CDC42SE2: variants seen among roughly 807,000 people sequenced by gnomAD.
CDC42SE2 encodes CDC42 small effector protein 2.
A neutral mutation model predicts 11.5 loss-of-function variants in CDC42SE2; 3 were observed. That is an observed-to-expected ratio of 0.26 (90% CI 0.12 to 0.67). CDC42SE2 has a LOEUF of 0.67. Ranked by LOEUF, CDC42SE2 falls within the 30% of genes least tolerant of loss-of-function variation. The pLI is 0.80. For synonymous variants in CDC42SE2, 33 were observed against 34.8 expected (o/e 0.95, Z 0.18); for missense variants, 82 against 106.8 (o/e 0.77, Z 1.02).
intron 2 of CDC42SE2, among the ~76,000 whole-genome samples, chr5:131,322,415 A>G (rs568886265): frequency 7.9e-5 from 12 of 152,310 alleles, no homozygotes; most frequent in African/African-American, 2.9e-4. Flanking sequence ...GGAATCATAC[A>G]GTATTTATGT....
chr5:131,249,489 T>C (rs1471131857), intron 1 of CDC42SE2, among the ~76,000 whole-genome samples: 2 of 152,176 alleles, frequency 1.3e-5, no homozygotes, highest in Non-Finnish European at 2.9e-5. Flanking sequence ...ATGTTTGATA[T>C]ATGATAAAGA....
chr5:131,378,680 TATTTA>T (rs1252422215), intron 3 of CDC42SE2, among the ~76,000 whole-genome samples: 1 of 152,254 alleles, frequency 6.6e-6, no homozygotes, highest in Non-Finnish European at 1.5e-5. Flanking sequence ...AAAATATTTT[TATTTA>T]ATTCTTAAAT....
At chr5:131,291,442 C>T (rs552270314) in intron 1 of CDC42SE2, among the ~76,000 whole-genome samples, 1 of 152,060 alleles carries the variant, frequency 6.6e-6, no homozygotes, top group African/African-American at 2.4e-5. Flanking sequence ...TTGAAAACTA[C>T]GTTTTTGAAG....
At chr5:131,268,857 T>C (rs1580721635) in intron 1 of CDC42SE2, among the ~76,000 whole-genome samples, 2 of 145,774 alleles carry the variant, frequency 1.4e-5, no homozygotes, top group African/African-American at 5.1e-5. Context: ...TTCAAGCAAC[T>C]GTCCTCCCTC....
At chr5:131,297,442 G>A (rs1005135500) in intron 1 of CDC42SE2, among the ~76,000 whole-genome samples, 2 of 152,024 alleles carry the variant, frequency 1.3e-5, no homozygotes, top group Non-Finnish European at 1.5e-5. Flanking sequence ...CATCCTGGCC[G>A]GGTGCGGTGG....
At chr5:131,239,612 C>A in the CDC42SE2 span, among the ~76,000 whole-genome samples, 1 of 152,080 alleles carries the variant, frequency 6.6e-6, no homozygotes, top group Non-Finnish European at 1.5e-5. Context: ...GTGTAAAATT[C>A]ATGGACCACT....
At chr5:131,267,292 C>G (rs560357475) in intron 1 of CDC42SE2, among the ~76,000 whole-genome samples, 15 of 151,854 alleles carry the variant, frequency 9.9e-5, no homozygotes, top group African/African-American at 3.1e-4. Flanking sequence ...CTCTTGACCT[C>G]GTGATCTGCC....
intron 2 of CDC42SE2, among the ~76,000 whole-genome samples, chr5:131,325,813 A>G (rs776814374): frequency 6.6e-6 from 1 of 152,120 alleles, no homozygotes; most frequent in Non-Finnish European, 1.5e-5. Context: ...TCCTCTTCCT[A>G]ATATGATAAT....
intron 2 of CDC42SE2, among the ~76,000 whole-genome samples, chr5:131,346,064 A>G (rs1346864769): frequency 6.6e-6 from 1 of 152,242 alleles, no homozygotes; most frequent in Non-Finnish European, 1.5e-5. Flanking sequence ...AATTATAAAG[A>G]CTATCAATGC....
intron 2 of CDC42SE2, among the ~76,000 whole-genome samples, chr5:131,319,164 C>T (rs1228093128): frequency 6.6e-6 from 1 of 152,130 alleles, no homozygotes; most frequent in African/African-American, 2.4e-5. Context: ...TTTAGCCTCC[C>T]AAAGTGCTGG....
At chr5:131,290,136 T>C (rs1398536757) in intron 1 of CDC42SE2, among the ~76,000 whole-genome samples, 2 of 152,174 alleles carry the variant, frequency 1.3e-5, no homozygotes, top group African/African-American at 2.4e-5. Context: ...TGTGAGCTAC[T>C]GTGTCTGGCC....
chr5:131,325,292 A>G (rs908578127), intron 2 of CDC42SE2, among the ~76,000 whole-genome samples: 1 of 152,190 alleles, frequency 6.6e-6, no homozygotes, highest in African/African-American at 2.4e-5. Context: ...GTGTGTATGC[A>G]GTTGCTAGTT....
chr5:131,383,414 A>G (rs190122174), intron 3 of CDC42SE2, among the ~76,000 whole-genome samples: 114 of 152,356 alleles, frequency 7.5e-4, no homozygotes, highest in South Asian at 6.4e-3. Context: ...CAACTTTCAA[A>G]AAAAGGCTTG....
At chr5:131,330,360 T>C (rs866561176) in intron 2 of CDC42SE2, among the ~76,000 whole-genome samples, 8 of 152,316 alleles carry the variant, frequency 5.3e-5, no homozygotes, top group Middle Eastern at 6.8e-3. Flanking sequence ...CAAGAATAAC[T>C]AATACCACAC....
chr5:131,225,903 A>C, the CDC42SE2 span, among the ~76,000 whole-genome samples: 1 of 152,232 alleles, frequency 6.6e-6, no homozygotes. Context: ...TGGCATCCCA[A>C]GAGTGTTGGA....
chr5:131,311,144 C>T (rs531525884), intron 1 of CDC42SE2, among the ~76,000 whole-genome samples: 1 of 151,902 alleles, frequency 6.6e-6, no homozygotes, highest in South Asian at 2.1e-4. Flanking sequence ...CTGGTGGTGA[C>T]AAAAATCTCT....
chr5:131,344,301 C>T (rs1758783475), intron 2 of CDC42SE2, among the ~76,000 whole-genome samples: 2 of 152,224 alleles, frequency 1.3e-5, no homozygotes, highest in Admixed American at 6.5e-5. Context: ...CACTCCCACC[C>T]TAATACTGCG....
At chr5:131,261,906 T>G (rs1756729747), upstream of CDC42SE2, among the ~76,000 whole-genome samples, 1 of 150,322 alleles carries the variant, frequency 6.7e-6, no homozygotes, top group Admixed American at 6.6e-5. Context: ...ATTGTGTCCT[T>G]AATTGACTTT....
rs1580758176 is a variant in CDC42SE2 at position 131,331,213 on chromosome 5, T to A, written c.-286+15069T>A. 3.3e-5 allele frequency among the ~76,000 whole-genome samples: 5 copies of A among 152,148 alleles called. No individual in the cohort carries two copies. In the South Asian group the frequency reaches 8.3e-4, roughly 25 times the overall value. The stretch of plus-strand genomic sequence containing the variant: ...GAACACAGGTTTTGCCAATGTCAAA[T>A]TCACGGAAATTCTACGTACTATATA... On this transcript the variant is annotated intron_variant, in intron 2 of 4. Coordinates refer to ENST00000505065, the MANE Select transcript of CDC42SE2 (RefSeq NM_001375635.1).
Sources: allele counts gnomAD v4.1 joint callset (sites outside exome capture counted in the v4.1 genomes callset), GRCh38; gene constraint gnomAD v4.1.1; transcripts MANE v1.5; gene names NCBI Gene and HGNC (gene_info 2026-07-23, HGNC 2026-07-21).